CSMD1: variants seen among roughly 807,000 people sequenced by gnomAD.
CSMD1 encodes CUB and sushi domain-containing protein 1.
Under a neutral mutation model 417.5 loss-of-function variants are expected in CSMD1, and 213 were observed. The ratio of observed to expected loss-of-function variants is 0.51; its 90% confidence interval spans 0.46 to 0.57. CSMD1 has a LOEUF of 0.57. CSMD1 is among the 20% of genes least tolerant of loss of function. The probability of loss-of-function intolerance (pLI) is 0.00; values close to 1 mark genes in which losing one functional copy is unlikely to be tolerated. For synonymous variants in CSMD1, 2,862 were observed against 1,736.8 expected, an observed-to-expected ratio of 1.65 and a Z score of -16.11; for missense variants, 6,923 against 4,529.7, an observed-to-expected ratio of 1.53 and a Z score of -15.17.
intron 1 of CSMD1, among the ~76,000 whole-genome samples, chr8:4,705,512 G>T (rs533894804): frequency 6.6e-6 from 1 of 152,098 alleles, no homozygotes; most frequent in Non-Finnish European, 1.5e-5. Flanking sequence ...AAAAGGAAAC[G>T]CGCACAGCCT....
chr8:3,593,204 G>A (rs1584934194), intron 8 of CSMD1, among the ~76,000 whole-genome samples: 1 of 152,224 alleles, frequency 6.6e-6, no homozygotes, highest in Non-Finnish European at 1.5e-5. Flanking sequence ...CCATACTTGG[G>A]ACCAAGACCC....
chr8:4,388,333 C>G (rs1300594838), intron 3 of CSMD1, among the ~76,000 whole-genome samples: 3 of 151,346 alleles, frequency 2.0e-5, no homozygotes, highest in Non-Finnish European at 4.4e-5. Context: ...CACACACACA[C>G]ACACACACAC....
intron 1 of CSMD1, among the ~76,000 whole-genome samples, chr8:4,963,943 G>T (rs553562305): frequency 2.6e-5 from 4 of 151,932 alleles, no homozygotes; most frequent in Admixed American, 2.6e-4. Flanking sequence ...AAAACAAGCT[G>T]ATTTCATACC....
At chr8:4,424,846 G>C (rs1243287252) in intron 2 of CSMD1, among the ~76,000 whole-genome samples, 2 of 151,998 alleles carry the variant, frequency 1.3e-5, no homozygotes, top group Admixed American at 1.3e-4. Flanking sequence ...CTGGTATACA[G>C]TACACAGAAA....
chr8:4,502,062 A>T (rs1204741748), intron 2 of CSMD1, among the ~76,000 whole-genome samples: 1 of 152,190 alleles, frequency 6.6e-6, no homozygotes, highest in Non-Finnish European at 1.5e-5. Flanking sequence ...CAAACAAGTT[A>T]AAAAATTATT....
intron 18 of CSMD1, among the ~76,000 whole-genome samples, chr8:3,380,604 C>G (rs552083121): frequency 5.3e-4 from 80 of 152,202 alleles, no homozygotes; most frequent in African/African-American, 1.8e-3. Flanking sequence ...ATGGATGAAT[C>G]TGGAAACCAT....
intron 26 of CSMD1, among the ~76,000 whole-genome samples, chr8:3,275,504 G>C (rs1316274049): frequency 6.6e-6 from 1 of 152,160 alleles, no homozygotes; most frequent in South Asian, 2.1e-4. Flanking sequence ...AGTTCTCCTG[G>C]ATAATATCCT....
At chr8:3,692,039 T>C (rs902825656) in intron 7 of CSMD1, among the ~76,000 whole-genome samples, 3 of 152,206 alleles carry the variant, frequency 2.0e-5, no homozygotes, top group African/African-American at 7.2e-5. Context: ...GAGCCGTCAC[T>C]CAGCGATCTG....
At chr8:4,962,033 T>C (rs1722535845) in intron 1 of CSMD1, among the ~76,000 whole-genome samples, 2 of 151,916 alleles carry the variant, frequency 1.3e-5, no homozygotes, top group African/African-American at 4.8e-5. Flanking sequence ...GTAATAACTT[T>C]GGGAAGGTTT....
intron 3 of CSMD1, among the ~76,000 whole-genome samples, chr8:4,075,721 G>C (rs534915464): frequency 2.0e-5 from 3 of 152,058 alleles, no homozygotes; most frequent in South Asian, 2.1e-4. Context: ...ATGTAGAAAC[G>C]GTTTGCATGT....
In CSMD1 at chr8:4,088,102, G is replaced by A. The variant is rs560508353; in HGVS notation, c.416-56003C>T. ...CTAGAGGAAACCACAAAAGGAGAAAGAGGAAGGATAGCTGCAGTGGGGCTG... is the reference window on the plus strand; with the variant it reads ...CTAGAGGAAACCACAAAAGGAGAAAAAGGAAGGATAGCTGCAGTGGGGCTG... On this transcript the variant is annotated intron_variant, in intron 3 of 69. Transcript: ENST00000635120. 2.0e-5 allele frequency among the ~76,000 whole-genome samples: 3 copies of A among 152,346 alleles called. No individual in the cohort carries two copies. In the South Asian group the frequency reaches 6.2e-4, roughly 32 times the overall value.
chr8:4,566,510 G>A (rs558823958), intron 2 of CSMD1, among the ~76,000 whole-genome samples: 17 of 151,812 alleles, frequency 1.1e-4, no homozygotes, highest in African/African-American at 2.2e-4. Flanking sequence ...AAAATTAGCC[G>A]GGCGTGGTGG....
chr8:4,879,822 G>C (rs1803281937), intron 1 of CSMD1, among the ~76,000 whole-genome samples: 1 of 152,060 alleles, frequency 6.6e-6, no homozygotes, highest in Non-Finnish European at 1.5e-5. Flanking sequence ...AAAACATCAT[G>C]TTGTGTAAGA....
rs556883886 is a variant in CSMD1 at position 3,849,364 on chromosome 8, T to C, written c.819-95322A>G. Among the ~76,000 whole-genome samples the C allele has an allele frequency of 5.0e-4, 76 of 152,242 alleles. 1 individual carries two copies. In the South Asian group the frequency reaches 8.7e-3, roughly 17 times the overall value. Reference sequence around the variant, plus strand: ...TGAAGTGGAGAGAGGTGGGGTCCACTACCCGCAGCTGCCATCACAGGCGCC... The same window carrying C: ...TGAAGTGGAGAGAGGTGGGGTCCACCACCCGCAGCTGCCATCACAGGCGCC... On this transcript the variant is annotated intron_variant, in intron 5 of 69. Coordinates refer to ENST00000635120, the MANE Select transcript of CSMD1 (RefSeq NM_033225.6).
intron 46 of CSMD1, among the ~76,000 whole-genome samples, chr8:3,098,112 T>C (rs554565118): frequency 2.0e-5 from 3 of 152,378 alleles, no homozygotes; most frequent in South Asian, 2.1e-4. Flanking sequence ...AGTTTGTGTA[T>C]AAAACTATTA....
chr8:3,539,062 T>C (rs939337466), intron 10 of CSMD1, among the ~76,000 whole-genome samples: 1 of 152,162 alleles, frequency 6.6e-6, no homozygotes, highest in Non-Finnish European at 1.5e-5. Flanking sequence ...CTCTCCTCCA[T>C]CACTGAGCCA....
intron 23 of CSMD1, among the ~76,000 whole-genome samples, chr8:3,330,693 C>G (rs550425515): frequency 6.6e-6 from 1 of 152,152 alleles, no homozygotes; most frequent in Admixed American, 6.5e-5. Context: ...AACAAACCCC[C>G]GTGACATGAG....
intron 3 of CSMD1, among the ~76,000 whole-genome samples, chr8:4,356,332 A>ACT (rs1387561023): frequency 1.3e-5 from 2 of 151,450 alleles, no homozygotes; most frequent in Non-Finnish European, 1.5e-5. Context: ...TATGTAATAC[A>ACT]CACACACACA....
chr8:3,674,608 T>C (rs1260606758), intron 7 of CSMD1, among the ~76,000 whole-genome samples: 7 of 152,128 alleles, frequency 4.6e-5, no homozygotes, highest in Admixed American at 1.3e-4. Flanking sequence ...CTCCAGATTC[T>C]AGATATTAAT....
Sources: allele counts gnomAD v4.1 joint callset (sites outside exome capture counted in the v4.1 genomes callset), GRCh38; gene constraint gnomAD v4.1.1; transcripts MANE v1.5; gene names NCBI Gene and HGNC (gene_info 2026-07-23, HGNC 2026-07-21).